Variants in RIMS1 observed in about 807,000 individuals in gnomAD.
The protein encoded by RIMS1 is regulating synaptic membrane exocytosis 1.
A neutral mutation model predicts 214.1 loss-of-function variants in RIMS1; 83 were observed. The ratio of observed to expected loss-of-function variants is 0.39; its 90% CI spans 0.32 to 0.47. RIMS1 has a LOEUF of 0.47. Ranked by LOEUF, RIMS1 falls within the 20% of genes least tolerant of loss-of-function variation. The pLI, the probability that RIMS1 is intolerant of heterozygous loss-of-function variation, is 0.99. For synonymous variants in RIMS1, 793 were observed against 786.8 expected (o/e 1.01, Z -0.13); for missense variants, 2,050 against 2,161.8 (o/e 0.95, Z 1.03).
Position 71,989,887 on chromosome 6 carries a change from C to G in RIMS1, c.245+20824C>G, listed in dbSNP as rs558513282. Among the ~76,000 whole-genome samples the G allele has an allele frequency of 1.2e-4, 18 of 152,130 alleles. No individual in the cohort carries two copies. In the East Asian group the frequency reaches 2.9e-3, roughly 25 times the overall value. ...GCTCCTCCAACCCCACCTCAGGCCA[C>G]ACTAACCCTCACTCAAAGTGTTCCA... On this transcript the variant is annotated intron_variant, in intron 2 of 33. Coordinates refer to ENST00000521978, the MANE Select transcript of RIMS1 (RefSeq NM_014989.7).
At chr6:72,373,305 C>G (rs190669595) in intron 29 of RIMS1, among the ~76,000 whole-genome samples, 2 of 152,270 alleles carry the variant, frequency 1.3e-5, no homozygotes, top group East Asian at 3.9e-4. Flanking sequence ...AAATATACTC[C>G]TGCTCTAATG....
At position 72,324,854 on chromosome 6, in the gene RIMS1, G is replaced by A. The variant is rs577615717; in HGVS notation, c.4131-8746G>A. On this transcript the variant is annotated intron_variant, in intron 28 of 33. Transcript: ENST00000521978. Reference sequence around the variant, plus strand: ...ACAATTGAGTGGTTGCAACAGAGTCGAGTAGTTGCAACAGAGTCAGTATGA... The same window carrying A: ...ACAATTGAGTGGTTGCAACAGAGTCAAGTAGTTGCAACAGAGTCAGTATGA... Among the ~76,000 whole-genome samples the A allele has an allele frequency of 1.2e-3, 184 of 151,862 alleles. 3 individuals carry two copies. The highest frequency in any genetic ancestry group is 6.8e-3 in the Middle Eastern group (2 of 294).
At chr6:72,072,956 A>AT (rs575819130) in intron 2 of RIMS1, among the ~76,000 whole-genome samples, 210 of 152,280 alleles carry the variant, frequency 1.4e-3, no homozygotes, top group African/African-American at 4.7e-3. Context: ...AGCCAAACAT[A>AT]TTTTTTTGTT....
intron 29 of RIMS1, among the ~76,000 whole-genome samples, chr6:72,357,861 A>T (rs2097695857): frequency 6.6e-6 from 1 of 152,198 alleles, no homozygotes; most frequent in Admixed American, 6.5e-5. Context: ...AGTATCACCT[A>T]ACTTTTTAAT....
intron 8 of RIMS1, 107 bp from the exon 9 acceptor site, chr6:72,237,716 C>A: frequency 5.2e-6 from 4 of 765,486 alleles, no homozygotes; most frequent in Admixed American, 2.6e-5. Flanking sequence ...AATGTTTCTA[C>A]ATGCAATTTC....
chr6:72,027,462 G>T (rs774002358), intron 2 of RIMS1, among the ~76,000 whole-genome samples: 1 of 152,052 alleles, frequency 6.6e-6, no homozygotes, highest in Non-Finnish European at 1.5e-5. Flanking sequence ...TGCCCTCAGA[G>T]AATGTAAATA....
At chr6:72,358,031 G>A (rs113922214) in intron 29 of RIMS1, among the ~76,000 whole-genome samples, 1,925 of 139,526 alleles carry the variant, frequency 0.014, 24 homozygotes, top group African/African-American at 0.031. Context: ...GCTGGTGCCC[G>A]TTAGGAAACA....
Position 72,072,032 on chromosome 6 carries a change from A to G in RIMS1, c.246-24917A>G, listed in dbSNP as rs372715679. Among the ~76,000 whole-genome samples the G allele has an allele frequency of 7.2e-5, 11 of 152,270 alleles. No homozygotes were observed. In the South Asian group the frequency reaches 8.3e-4, roughly 12 times the overall value. On this transcript the variant is annotated intron_variant, in intron 2 of 33. Transcript: ENST00000521978. Reference sequence around the variant, plus strand: ...TTAAGCTCAATATAAAAAATATACTAATTATTGTAAAGATGGAATTATATG... The same window carrying G: ...TTAAGCTCAATATAAAAAATATACTGATTATTGTAAAGATGGAATTATATG...
At chr6:71,990,987 T>C (rs1456522222) in intron 2 of RIMS1, among the ~76,000 whole-genome samples, 2 of 152,196 alleles carry the variant, frequency 1.3e-5, no homozygotes, top group East Asian at 3.9e-4. Flanking sequence ...AGAAGGCATA[T>C]CTAACAATGC....
Position 72,345,227 on chromosome 6 carries a change from A to T in RIMS1, c.4366+11392A>T, listed in dbSNP as rs75457782. ...TTGTTGATTGATTTTCACATTTTAA[A>T]TACAGAAAGGCAAAAAGAAGATATA... On this transcript the variant is annotated intron_variant, in intron 29 of 33. Coordinates refer to ENST00000521978, the MANE Select transcript of RIMS1 (RefSeq NM_014989.7). Among the ~76,000 whole-genome samples the T allele has an allele frequency of 4.8e-4, 73 of 151,822 alleles. No homozygotes were observed. In the East Asian group the frequency reaches 0.011, roughly 23 times the overall value.
At chr6:72,046,824 C>T (rs1409014019) in intron 2 of RIMS1, among the ~76,000 whole-genome samples, 1 of 152,032 alleles carries the variant, frequency 6.6e-6, no homozygotes. Context: ...CTTCTGCTCC[C>T]ATATTTATAC....
At chr6:71,981,891 A>G (rs911514963) in intron 2 of RIMS1, among the ~76,000 whole-genome samples, 24 of 151,792 alleles carry the variant, frequency 1.6e-4, no homozygotes, top group African/African-American at 5.6e-4. Flanking sequence ...TCATTGGTGT[A>G]CTATAATGCA....
At chr6:72,021,793 C>T (rs1269962486) in intron 2 of RIMS1, among the ~76,000 whole-genome samples, 1 of 152,050 alleles carries the variant, frequency 6.6e-6, no homozygotes, top group African/African-American at 2.4e-5. Flanking sequence ...CTCATGGTCC[C>T]AAGTGGCTGC....
intron 20 of RIMS1, 105 bp from the exon 21 acceptor site, chr6:72,265,285 C>A: frequency 1.4e-6 from 1 of 698,918 alleles, no homozygotes; most frequent in Non-Finnish European, 2.3e-6. Flanking sequence ...TCTACTAACT[C>A]AAATGTCAGA....
chr6:72,022,235 A>C (rs935860161), intron 2 of RIMS1, among the ~76,000 whole-genome samples: 1 of 152,208 alleles, frequency 6.6e-6, no homozygotes, highest in Admixed American at 6.6e-5. Context: ...ACTCACTGTA[A>C]CTTGCAGCCA....
intron 28 of RIMS1, among the ~76,000 whole-genome samples, chr6:72,318,013 T>G (rs1211435291): frequency 6.6e-6 from 1 of 152,182 alleles, no homozygotes; most frequent in East Asian, 1.9e-4. Flanking sequence ...TGTTTTAAAG[T>G]CAGTTTTTCT....
At chr6:71,987,422 C>A (rs1225657665) in intron 2 of RIMS1, among the ~76,000 whole-genome samples, 2 of 152,160 alleles carry the variant, frequency 1.3e-5, no homozygotes, top group African/African-American at 2.4e-5. Context: ...AAGAAGCAAA[C>A]TCTCTTGTGT....
intron 29 of RIMS1, among the ~76,000 whole-genome samples, chr6:72,387,212 A>G (rs192211118): frequency 2.0e-5 from 3 of 152,224 alleles, no homozygotes; most frequent in Admixed American, 2.0e-4. Context: ...CTAACACTCT[A>G]ACCTGAACCC....
chr6:72,209,861 AC>A (rs1311427070), intron 6 of RIMS1, among the ~76,000 whole-genome samples: 2 of 147,662 alleles, frequency 1.4e-5, no homozygotes, highest in African/African-American at 4.9e-5. Context: ...AGATCACGCC[AC>A]TGCACTCCAG....
Sources: gnomAD v4.1 joint callset for allele counts (sites outside exome capture counted in the v4.1 genomes callset) on GRCh38, gnomAD v4.1.1 for gene constraint, MANE v1.5 for transcripts, NCBI Gene and HGNC (gene_info 2026-07-23, HGNC 2026-07-21) for gene names.